PCCB: variants seen among roughly 807,000 people sequenced by gnomAD.
PCCB encodes the protein propionyl-CoA carboxylase beta chain, mitochondrial.
Under a neutral mutation model 60.7 loss-of-function variants are expected in PCCB, and 43 were observed. That is an observed-to-expected ratio of 0.71 (90% CI 0.55 to 0.91). The LOEUF (loss-of-function observed/expected upper bound fraction) is 0.91, where lower values mean the gene tolerates loss of function less well. Ranked by LOEUF, PCCB falls within the 40% of genes least tolerant of loss-of-function variation. The pLI, the probability that PCCB is intolerant of heterozygous loss-of-function variation, is 0.00. For missense variants in PCCB, 766 were observed against 702.8 expected, an observed-to-expected ratio of 1.09 and a Z score of -1.02; for synonymous variants, 276 against 255.9, an observed-to-expected ratio of 1.08 and a Z score of -0.75.
At position 136,268,087 on chromosome 3, in the gene PCCB, GATATATATATATAT is replaced by G. The variant is rs61160895; in HGVS notation, c.543+6043_543+6056del. ...GTGCGTGTGTGTGTGTGTGTGTGTA[GATATATATATATAT>G]ATATATATATATATATATATGTATA... is the stretch of plus-strand genomic sequence containing the variant. On this transcript the variant is annotated intron_variant, in intron 5 of 14. Coordinates refer to ENST00000251654, the MANE Select transcript of PCCB (RefSeq NM_000532.5). Among the ~76,000 whole-genome samples, 652 of 93,792 alleles carry G rather than the reference GATATATATATATAT, an allele frequency of 7.0e-3. 15 individuals are homozygous for G. The highest frequency in any genetic ancestry group is 0.028 in the African/African-American group (617 of 21,740). The allele number at this position is 93,792 out of a possible 152,430, so 61.5% of individuals were successfully genotyped here.
chr3:136,268,119 T>TCTAC (rs1942082414), intron 5 of PCCB, among the ~76,000 whole-genome samples: 1 of 132,518 alleles, frequency 7.5e-6, no homozygotes, highest in Non-Finnish European at 1.6e-5. Context: ...TATATATATA[T>TCTAC]ATGTATATAT....
Position 136,305,720 on chromosome 3 carries a change from G to T in PCCB, c.966+4609G>T, listed in dbSNP as rs1934431485. The stretch of plus-strand genomic sequence containing the variant: ...GCTGAGATTGCACCATTGCATTTCA[G>T]CCTGGGCGATGAGTGAAACTGTCTC... On this transcript the variant is annotated intron_variant, in intron 9 of 14. Coordinates refer to ENST00000251654, the MANE Select transcript of PCCB (RefSeq NM_000532.5). 2.7e-5 allele frequency among the ~76,000 whole-genome samples: 3 copies of T among 110,398 alleles called. 1 individual carries two copies. The highest frequency in any genetic ancestry group is 5.9e-5 in the Non-Finnish European group (3 of 50,544). The allele number at this position is 110,398 out of a possible 152,430, so 72.4% of individuals were successfully genotyped here.
At chr3:136,327,028 G>T in intron 11 of PCCB, 118 bp downstream of exon 11, 1 of 1,119,216 alleles carries the variant, frequency 8.9e-7, no homozygotes, top group South Asian at 1.2e-5. Context: ...ATGTATTCTG[G>T]GTGTCCAGAA....
chr3:136,250,916 T>C (rs1244662103), intron 1 of PCCB, among the ~76,000 whole-genome samples: 1 of 152,230 alleles, frequency 6.6e-6, no homozygotes, highest in Non-Finnish European at 1.5e-5. Flanking sequence ...AGCAAAATGA[T>C]AGGCGCTCAG....
intron 10 of PCCB, among the ~76,000 whole-genome samples, chr3:136,319,386 A>AT (rs796339351): frequency 0.094 from 12,931 of 138,220 alleles, 1,869 homozygotes; most frequent in African/African-American, 0.31. Context: ...TTGATACACA[A>AT]TTTTTTTTTT....
At chr3:136,281,189 T>C (rs1177410357) in intron 5 of PCCB, among the ~76,000 whole-genome samples, 1 of 152,110 alleles carries the variant, frequency 6.6e-6, no homozygotes, top group African/African-American at 2.4e-5. Flanking sequence ...TGGGAAGTTT[T>C]CAGTCATTAT....
chr3:136,322,625 T>C (rs1273444282), intron 10 of PCCB, among the ~76,000 whole-genome samples: 1 of 152,222 alleles, frequency 6.6e-6, no homozygotes, highest in African/African-American at 2.4e-5. Flanking sequence ...AAAGTGAAGT[T>C]AGAAACCAAA....
intron 5 of PCCB, among the ~76,000 whole-genome samples, chr3:136,266,547 A>G (rs1170656944): frequency 6.6e-6 from 1 of 152,138 alleles, no homozygotes; most frequent in Non-Finnish European, 1.5e-5. Context: ...TCAACCTCCC[A>G]AAGTGTTGGA....
intron 6 of PCCB, among the ~76,000 whole-genome samples, chr3:136,290,870 A>G: frequency 6.7e-6 from 1 of 150,114 alleles, no homozygotes; most frequent in East Asian, 2.0e-4. Context: ...CAGTTTTTAG[A>G]TACTCCAGTT....
chr3:136,290,692 A>ATTTTTTT (rs1576332274), intron 6 of PCCB, among the ~76,000 whole-genome samples: 1 of 18,266 alleles, frequency 5.5e-5, no homozygotes, highest in African/African-American at 2.2e-4. Context: ...TTTTTTTGTC[A>ATTTTTTT]TTCATCTTGC....
chr3:136,288,895 TG>T (rs1383078022), intron 6 of PCCB, among the ~76,000 whole-genome samples: 1 of 152,210 alleles, frequency 6.6e-6, no homozygotes, highest in African/African-American at 2.4e-5. Context: ...CTTGACCTCC[TG>T]GGGTCAAGCA....
At position 136,265,767 on chromosome 3, in the gene PCCB, A is replaced by G. The variant is rs148291262; in HGVS notation, c.543+3702A>G. ...TAAACCATTTACATTACCATGAGCA[A>G]TGTGTTCAGGGTTGCAGGTTCTCCA... On this transcript the variant is annotated intron_variant, in intron 5 of 14. Coordinates refer to ENST00000251654, the MANE Select transcript of PCCB (RefSeq NM_000532.5). 6.6e-3 allele frequency among the ~76,000 whole-genome samples: 1,003 copies of G among 152,042 alleles called. 12 individuals carry two copies. The highest frequency in any genetic ancestry group is 0.023 in the African/African-American group (954 of 41,466).
At chr3:136,301,825 A>T (rs1576342285) in intron 9 of PCCB, among the ~76,000 whole-genome samples, 1 of 152,118 alleles carries the variant, frequency 6.6e-6, no homozygotes, top group Admixed American at 6.6e-5. Context: ...TTAGCCTGAG[A>T]TGTAACCTTA....
intron 5 of PCCB, among the ~76,000 whole-genome samples, chr3:136,269,140 G>A (rs1055794512): frequency 6.6e-6 from 1 of 152,088 alleles, no homozygotes; most frequent in Non-Finnish European, 1.5e-5. Flanking sequence ...AATTAGCCAG[G>A]TGTTGTGGTG....
chr3:136,266,950 T>G (rs1941999897), intron 5 of PCCB, among the ~76,000 whole-genome samples: 1 of 152,200 alleles, frequency 6.6e-6, no homozygotes, highest in Non-Finnish European at 1.5e-5. Context: ...TGGTGTGATC[T>G]TAGCTCACTG....
rs1241382886 is a variant in PCCB, at chr3:136,302,403, G to A, written c.966+1292G>A. Among the ~76,000 whole-genome samples, 4 of 120,936 alleles carry A rather than the reference G, an allele frequency of 3.3e-5. 2 individuals are homozygous for A. The highest frequency in any genetic ancestry group is 7.4e-5 in the Non-Finnish European group (4 of 54,332). 79.3% of individuals were successfully genotyped at this position (120,936 alleles called of 152,430 possible). A position where few individuals can be genotyped will look rare whatever the true frequency, so the allele number is the denominator to read the frequency against. On this transcript the variant is annotated intron_variant, in intron 9 of 14. Transcript: ENST00000251654. Reference sequence around the variant, plus strand: ...GCCTGGGTGGGGAGACAGATTCCTGGTGCTTCCTACTCTGCCATCTTCTAA... The same window carrying A: ...GCCTGGGTGGGGAGACAGATTCCTGATGCTTCCTACTCTGCCATCTTCTAA...
chr3:136,250,649 C>T, intron 1 of PCCB, 91 bp downstream of exon 1: 1 of 1,312,966 alleles, frequency 7.6e-7, no homozygotes, highest in Non-Finnish European at 1.0e-6. Flanking sequence ...GCCTCCCTGC[C>T]AATCCGCACG....
chr3:136,298,268 G>A (rs1560018019), intron 8 of PCCB, among the ~76,000 whole-genome samples, 196 bp downstream of exon 8: 1 of 152,144 alleles, frequency 6.6e-6, no homozygotes, highest in Non-Finnish European at 1.5e-5. Context: ...TTTCCTCTCT[G>A]TAATATCTAA....
intron 3 of PCCB, among the ~76,000 whole-genome samples, chr3:136,259,787 C>T (rs566975600): frequency 6.6e-6 from 1 of 152,326 alleles, no homozygotes; most frequent in African/African-American, 2.4e-5. Flanking sequence ...GAGTCTCGCT[C>T]TGTCGCCCAG....
Sources: allele counts gnomAD v4.1 joint callset (sites outside exome capture counted in the v4.1 genomes callset), GRCh38; gene constraint gnomAD v4.1.1; transcripts MANE v1.5; gene names NCBI Gene and HGNC (gene_info 2026-07-23, HGNC 2026-07-21).